Variants in AATK observed in about 807,000 individuals in gnomAD.
AATK encodes lemur tail kinase 1.
In AATK, 91 loss-of-function variants were observed where a neutral mutation model predicts 114.3. The observed-to-expected ratio is 0.80, with a 90% CI of 0.67 to 0.95. The LOEUF (loss-of-function observed/expected upper bound fraction) is 0.95, where lower values mean the gene tolerates loss of function less well. Ranked by LOEUF, AATK falls within the 40% of genes least tolerant of loss-of-function variation. The pLI is 0.00. For missense variants in AATK, 2,176 were observed against 1,965.2 expected (o/e 1.11, Z -2.03); for synonymous variants, 1,075 against 916.5 (o/e 1.17, Z -3.12).
Position 81,126,599 on chromosome 17 carries a change from G to A in AATK, c.622-39C>T. On this transcript the variant is annotated intron_variant, in intron 6 of 13. Coordinates refer to ENST00000326724, the MANE Select transcript of AATK (RefSeq NM_001080395.3). This position sits in a 1 kb window ranked among gnomAD's most constrained non-coding sequence, Gnocchi z 5.1. ...GTGTGGCGCAGTCACCAGCAGGCTGGGGGCTGGCCACCCTGGGAGGTCCCC... is the reference window on the plus strand; with the variant it reads ...GTGTGGCGCAGTCACCAGCAGGCTGAGGGCTGGCCACCCTGGGAGGTCCCC... 1 of 1,520,890 alleles carries A rather than the reference G, an allele frequency of 6.6e-7. No individual in the cohort carries two copies. The highest frequency in any genetic ancestry group is 1.7e-4 in the Middle Eastern group (1 of 5,864). The allele number at this position is 1,520,890 out of a possible 1,614,324, so 94.2% of individuals were successfully genotyped here.
At chr17:81,128,809 C>T (rs2060887266) in intron 3 of AATK, 2 of 1,274,346 alleles carry the variant, frequency 1.6e-6, no homozygotes, top group Non-Finnish European at 2.0e-6. Flanking sequence ...TGCCTGAAGC[C>T]ACTGGGATAG....
In AATK at chr17:81,118,516, G is replaced by GCCCACAACT. The variant is rs2060600586; in HGVS notation, c.4085-75_4085-74insAGTTGTGGG. 4.6e-6 allele frequency: 7 copies of GCCCACAACT among 1,512,742 alleles called. No homozygotes were observed. In the South Asian group the frequency reaches 8.3e-5, roughly 18 times the overall value. 93.7% of individuals were successfully genotyped at this position (1,512,742 alleles called of 1,614,324 possible). A position where few individuals can be genotyped will look rare whatever the true frequency, so the allele number is the denominator to read the frequency against. On this transcript the variant is annotated intron_variant, in intron 13 of 13. Coordinates refer to ENST00000326724, the MANE Select transcript of AATK (RefSeq NM_001080395.3). ...CTGCCTCCCCCGCAACTCCCACCTG[G>GCCCACAACT]CCTCCATCCCTGGCCCACATACAGG...
intron 7 of AATK, chr17:81,125,985 C>T (rs1389882125): frequency 1.3e-5 from 6 of 475,446 alleles, no homozygotes; most frequent in Non-Finnish European, 2.2e-5. Flanking sequence ...GACGGGGCCA[C>T]GTGTCCTTCG....
In AATK at chr17:81,118,311, C is replaced by T. The variant is rs111346883; in HGVS notation, c.*91G>A. ...AATCTGCTGCCAACAGCCACCAGGACGTGGTCCCCACCTTCTCGGTCACCA... is the reference window on the plus strand; with the variant it reads ...AATCTGCTGCCAACAGCCACCAGGATGTGGTCCCCACCTTCTCGGTCACCA... On this transcript the variant is annotated 3_prime_UTR_variant, in exon 14 of 14. Transcript: ENST00000326724. 70 of 1,371,032 alleles carry T rather than the reference C, an allele frequency of 5.1e-5. No homozygotes were observed. Among genetic ancestry groups the T allele is most frequent in the African/African-American group, 4.5e-4 (31 of 69,342 alleles). 84.9% of individuals were successfully genotyped at this position (1,371,032 alleles called of 1,614,324 possible).
intron 1 of AATK, chr17:81,165,547 C>T (rs1406102701): frequency 7.1e-6 from 7 of 986,442 alleles, no homozygotes; most frequent in South Asian, 4.1e-5. Context: ...CACGCCAGGG[C>T]CCCGGACCCA....
In AATK at chr17:81,120,491, C is replaced by T. The variant is rs758376255; in HGVS notation, c.3445G>A (p.Gly1149Ser). 73 of 1,506,606 alleles carry T rather than the reference C, an allele frequency of 4.8e-5. No homozygotes were observed. Among genetic ancestry groups the T allele is most frequent in the Non-Finnish European group, 5.9e-5 (66 of 1,124,450 alleles). The allele number at this position is 1,506,606 out of a possible 1,614,324, so 93.3% of individuals were successfully genotyped here. A position where few individuals can be genotyped will look rare whatever the true frequency, so the allele number is the denominator to read the frequency against. The change falls in exon 11 of 14, where the codon GGC becomes AGC. Residue 1149 changes from glycine to serine, a missense_variant. Physicochemically the swap from Gly to Ser is moderately conservative, Grantham distance 56. Transcript: ENST00000326724. ...PRAPLRLALP[G>S]LPAALEGRPE... ...CGGCCCTCCAAGGCCGCAGGGAGGC[C>T]GGGCAGAGCCAGGCGGAGTGGGGCT...
intron 1 of AATK, among the ~76,000 whole-genome samples, chr17:81,138,388 T>G (rs887498216): frequency 4.7e-5 from 6 of 127,452 alleles, no homozygotes; most frequent in African/African-American, 1.6e-4. Flanking sequence ...CGGGCACACG[T>G]GCACACACAC....
At chr17:81,124,641 C>A in intron 9 of AATK, 86 bp downstream of exon 9, 1 of 1,567,954 alleles carries the variant, frequency 6.4e-7, no homozygotes. Flanking sequence ...GCCCCCTGAC[C>A]TCACTACTCA....
intron 7 of AATK, among the ~76,000 whole-genome samples, chr17:81,125,541 G>C (rs1182882632): frequency 6.6e-6 from 1 of 152,198 alleles, no homozygotes; most frequent in African/African-American, 2.4e-5. Context: ...CCAGGGTTGG[G>C]TAGGGTCTGG....
chr17:81,159,531 C>T (rs568402320), intron 1 of AATK, among the ~76,000 whole-genome samples: 1 of 152,252 alleles, frequency 6.6e-6, no homozygotes, highest in Admixed American at 6.5e-5. Flanking sequence ...GAGGAAATTC[C>T]ACGTGGGCCT....
chr17:81,118,296 C>T lies in AATK; in HGVS notation c.*106G>A. On this transcript the variant is annotated 3_prime_UTR_variant, in exon 14 of 14. Coordinates refer to ENST00000326724, the MANE Select transcript of AATK (RefSeq NM_001080395.3). ...GGGCAGAGGCACCTGAATCTGCTGC[C>T]AACAGCCACCAGGACGTGGTCCCCA... 2.4e-6 allele frequency: 3 copies of T among 1,249,708 alleles called. No individual in the cohort carries two copies. The highest frequency in any genetic ancestry group is 1.4e-5 in the South Asian group (1 of 72,622). The allele number at this position is 1,249,708 out of a possible 1,614,324, so 77.4% of individuals were successfully genotyped here. A position where few individuals can be genotyped will look rare whatever the true frequency, so the allele number is the denominator to read the frequency against.
At chr17:81,154,315 CTTTCT>C (rs1259146394) in intron 1 of AATK, among the ~76,000 whole-genome samples, 1,912 of 120,636 alleles carry the variant, frequency 0.016, 49 homozygotes, top group African/African-American at 0.058. Flanking sequence ...TTAGTTTTTT[CTTTCT>C]TTTTTTTTTT....
intron 2 of AATK, chr17:81,131,952 A>C: frequency 7.5e-7 from 1 of 1,338,468 alleles, no homozygotes; most frequent in Non-Finnish European, 9.9e-7. Flanking sequence ...TGGTGGCCAC[A>C]CCACCTCCGG....
intron 1 of AATK, among the ~76,000 whole-genome samples, chr17:81,138,461 A>ACC (rs911244641): frequency 6.2e-5 from 9 of 145,326 alleles, no homozygotes; most frequent in African/African-American, 1.5e-4. Context: ...ATGTGCACAC[A>ACC]CACCCACCCA....
chr17:81,159,292 G>C lies in AATK; in HGVS notation c.55+6646C>G, dbSNP rs60716140. Among the ~76,000 whole-genome samples the C allele has an allele frequency of 3.0e-3, 456 of 152,272 alleles. 2 individuals carry two copies. The highest frequency in any genetic ancestry group is 1.0e-2 in the African/African-American group (415 of 41,544). ...CCCACAACTGAGCATCATTCACAGA[G>C]AGCGAGCGAGATCCCCAACATGGGG... On this transcript the variant is annotated intron_variant, in intron 1 of 13. Coordinates refer to ENST00000326724, the MANE Select transcript of AATK (RefSeq NM_001080395.3).
Position 81,123,297 on chromosome 17 carries a change from G to A in AATK, c.1009C>T (p.Pro337Ser). 1 of 1,402,138 alleles carries A rather than the reference G, an allele frequency of 7.1e-7. No individual in the cohort carries two copies. The highest frequency in any genetic ancestry group is 9.3e-7 in the Non-Finnish European group (1 of 1,077,196). The allele number at this position is 1,402,138 out of a possible 1,614,324, so 86.9% of individuals were successfully genotyped here. A position where few individuals can be genotyped will look rare whatever the true frequency, so the allele number is the denominator to read the frequency against. The change falls in exon 10 of 14, where the codon CCC becomes TCC. Residue 337 changes from proline (P) to serine (S), a missense_variant. By Grantham distance (74) the Pro-to-Ser change is moderately conservative. Around this residue, in one of 4 missense-constraint regions of AATK, gnomAD observed 273 missense variants for 344.1 expected, o/e 0.79. Transcript: ENST00000326724. ...IWELFELGTQ[P>S]YPQHSDQQVL... is the part of the protein sequence containing the mutation. ...TGCTGGTCCGAGTGCTGGGGATAGG[G>A]CTGCGTGCCCAGCTCAAAGAGCTCC...
intron 11 of AATK, 47 bp downstream of exon 11, chr17:81,120,154 G>A (rs755618434): frequency 6.6e-7 from 1 of 1,519,212 alleles, no homozygotes; most frequent in South Asian, 1.3e-5. Context: ...CTTCCTGCGG[G>A]AGCGCGACCC....
chr17:81,129,425 T>A (rs2060896956), intron 3 of AATK, among the ~76,000 whole-genome samples: 1 of 152,112 alleles, frequency 6.6e-6, no homozygotes, highest in Non-Finnish European at 1.5e-5. Flanking sequence ...CTGAGACAGT[T>A]CAGAGGCCCT....
At position 81,126,783 on chromosome 17, in the gene AATK, C is replaced by T; in HGVS notation, c.622-223G>A. The T allele has an allele frequency of 7.2e-7, 1 of 1,384,070 alleles. No individual in the cohort carries two copies. Among genetic ancestry groups the T allele is most frequent in the Non-Finnish European group, 9.3e-7 (1 of 1,069,830 alleles). The allele number at this position is 1,384,070 out of a possible 1,614,324, so 85.7% of individuals were successfully genotyped here. ...GACTGAAGGCTTCCTCTCCACTGCC[C>T]CTCAGCCAGCCCCGGGCAGCAGGAG... On this transcript the variant is annotated intron_variant, in intron 6 of 13. Coordinates refer to ENST00000326724, the MANE Select transcript of AATK (RefSeq NM_001080395.3). The surrounding 1 kb of genome is among the most constrained non-coding windows in gnomAD (Gnocchi z 5.1).
Sources: gnomAD v4.1 joint callset for allele counts (sites outside exome capture counted in the v4.1 genomes callset) on GRCh38, gnomAD v4.1.1 for gene constraint, gnomAD v4.1.1 regional missense constraint, Gnocchi (gnomAD v3.1) non-coding constraint, MANE v1.5 for transcripts, NCBI Gene and HGNC (gene_info 2026-07-23, HGNC 2026-07-21) for gene names.